Variants in EML1 observed in about 807,000 individuals in gnomAD.
EML1 encodes the protein echinoderm microtubule-associated protein-like 1.
Under a neutral mutation model 110.4 loss-of-function variants are expected in EML1, and 27 were observed. The observed-to-expected ratio is 0.24, with a 90% CI of 0.18 to 0.34. The LOEUF is 0.34. EML1 is among the 10% of genes least tolerant of loss of function. EML1 has a pLI of 1.00. For missense variants in EML1, 741 were observed against 1,030.9 expected (o/e 0.72, Z 3.85); for synonymous variants, 344 against 385.8 (o/e 0.89, Z 1.27).
chr14:99,868,839 C>T (rs147874063), intron 3 of EML1, among the ~76,000 whole-genome samples: 17 of 152,042 alleles, frequency 1.1e-4, no homozygotes, highest in Admixed American at 5.9e-4. Context: ...TTATTTCCTT[C>T]GCTCTGCCAA....
Position 99,941,358 on chromosome 14 carries a change from A to C in EML1, c.*1246A>C, listed in dbSNP as rs1413321123. The C allele has an allele frequency of 6.6e-6, 1 of 152,248 alleles. No individual in the cohort carries two copies. The highest frequency in any genetic ancestry group is 2.4e-5 in the African/African-American group (1 of 41,472). The allele number at this position is 152,248 out of a possible 1,614,324, so 9.4% of individuals were successfully genotyped here. A position where few individuals can be genotyped will look rare whatever the true frequency, so the allele number is the denominator to read the frequency against. ...AAATGAATGGAATTATCTGAGCTCTATGGCACTGGTTGTTTAGAGTGACTG... is the reference window on the plus strand; with the variant it reads ...AAATGAATGGAATTATCTGAGCTCTCTGGCACTGGTTGTTTAGAGTGACTG... On this transcript the variant is annotated 3_prime_UTR_variant, in exon 22 of 22. Coordinates refer to ENST00000262233, the MANE Select transcript of EML1 (RefSeq NM_004434.3).
At chr14:99,871,500 G>A (rs961175274) in intron 3 of EML1, among the ~76,000 whole-genome samples, 2 of 150,960 alleles carry the variant, frequency 1.3e-5, no homozygotes, top group African/African-American at 2.4e-5. Flanking sequence ...TCAACAGAGC[G>A]AGACCCTGTC....
At chr14:99,740,691 C>G (rs754406839) in intron 1 of EML1, among the ~76,000 whole-genome samples, 7 of 152,204 alleles carry the variant, frequency 4.6e-5, no homozygotes, top group South Asian at 2.1e-4. Flanking sequence ...TGCCTGCATT[C>G]TAGGCTTGGC....
intron 16 of EML1, among the ~76,000 whole-genome samples, chr14:99,920,029 C>T (rs2140081903): frequency 6.6e-6 from 1 of 152,320 alleles, no homozygotes; most frequent in South Asian, 2.1e-4. Context: ...CTCACCACCA[C>T]CCCTTGAGAA....
intron 6 of EML1, among the ~76,000 whole-genome samples, chr14:99,895,453 T>C (rs1174139559): frequency 6.6e-6 from 1 of 152,208 alleles, no homozygotes; most frequent in Admixed American, 6.5e-5. Flanking sequence ...TCTCTATATT[T>C]ATAAGGAAAC....
At chr14:99,767,183 G>T (rs1252964878) in intron 1 of EML1, among the ~76,000 whole-genome samples, 1 of 152,248 alleles carries the variant, frequency 6.6e-6, no homozygotes, top group Non-Finnish European at 1.5e-5. Context: ...GAAGAGCTGG[G>T]TTCCATGAAC....
At chr14:99,772,146 G>T (rs1334840208), upstream of EML1, among the ~76,000 whole-genome samples, 2 of 152,154 alleles carry the variant, frequency 1.3e-5, no homozygotes, top group African/African-American at 2.4e-5. Flanking sequence ...GTGTCATATT[G>T]CTTAATAGTG....
At chr14:99,759,613 G>A (rs1488242762) in intron 1 of EML1, among the ~76,000 whole-genome samples, 1 of 152,192 alleles carries the variant, frequency 6.6e-6, no homozygotes, top group Non-Finnish European at 1.5e-5. Context: ...CGGGTGCACC[G>A]TCCTACAGTC....
upstream of EML1, among the ~76,000 whole-genome samples, chr14:99,790,861 TTTTCC>T (rs1425572060): frequency 4.2e-4 from 49 of 117,024 alleles, no homozygotes; most frequent in South Asian, 8.0e-3. Context: ...TCTTTTTTTC[TTTTCC>T]TTTTTTTTTG....
intron 1 of EML1, among the ~76,000 whole-genome samples, chr14:99,823,952 A>G (rs1595343646): frequency 1.3e-5 from 2 of 151,556 alleles, no homozygotes; most frequent in African/African-American, 4.9e-5. Flanking sequence ...CCCATGCATC[A>G]TCTCTCTCTC....
chr14:99,776,642 A>C (rs2057486246), intron 1 of EML1, among the ~76,000 whole-genome samples: 1 of 152,210 alleles, frequency 6.6e-6, no homozygotes, highest in South Asian at 2.1e-4. Flanking sequence ...AAATAATGTA[A>C]TTAAGGGGCA....
chr14:99,920,773 C>G lies in EML1; in HGVS notation c.1821-16C>G. On this transcript the variant is annotated splice_polypyrimidine_tract_variant and intron_variant, in intron 16 of 21. Coordinates refer to ENST00000262233, the MANE Select transcript of EML1 (RefSeq NM_004434.3). Reference sequence around the variant, plus strand: ...TATTAAACAACTTACTGTGCTTTTTCTCATGTTGATAACAGGTGGTTTGTG... The same window carrying G: ...TATTAAACAACTTACTGTGCTTTTTGTCATGTTGATAACAGGTGGTTTGTG... 1.3e-6 allele frequency: 2 copies of G among 1,600,000 alleles called. No individual in the cohort carries two copies. The highest frequency in any genetic ancestry group is 1.7e-6 in the Non-Finnish European group (2 of 1,174,668).
chr14:99,874,986 A>G, intron 3 of EML1: 2 of 1,613,490 alleles, frequency 1.2e-6, no homozygotes, highest in Non-Finnish European at 1.7e-6. Flanking sequence ...ATCGACACCA[A>G]GGTGAGGGGA....
At position 99,830,388 on chromosome 14, in the gene EML1, A is replaced by G. The variant is rs565029899; in HGVS notation, c.68-20465A>G. Among the ~76,000 whole-genome samples, 56 of 152,244 alleles carry G rather than the reference A, an allele frequency of 3.7e-4. No individual in the cohort carries two copies. The East Asian group carries it at 4.1e-3, about 11-fold the overall frequency. ...AAATGGTTGAAATTTAAAAGAAAAA[A>G]GGGTGCTACTTGAAAGGTGGACCCT... On this transcript the variant is annotated intron_variant, in intron 1 of 21. Coordinates refer to ENST00000262233, the MANE Select transcript of EML1 (RefSeq NM_004434.3).
At chr14:99,752,059 C>T (rs1272689264) in intron 1 of EML1, among the ~76,000 whole-genome samples, 6 of 152,064 alleles carry the variant, frequency 3.9e-5, no homozygotes, top group African/African-American at 1.2e-4. Context: ...TCCATCACAG[C>T]GCCCCAGATG....
At chr14:99,853,399 G>A (rs1342884424) in intron 2 of EML1, among the ~76,000 whole-genome samples, 1 of 151,878 alleles carries the variant, frequency 6.6e-6, no homozygotes, top group African/African-American at 2.4e-5. Context: ...CCACGGGAGG[G>A]GTGTGCCCGT....
At chr14:99,841,532 CTT>C (rs1264396554) in intron 1 of EML1, among the ~76,000 whole-genome samples, 2 of 152,172 alleles carry the variant, frequency 1.3e-5, no homozygotes, top group East Asian at 1.9e-4. Flanking sequence ...TGCTCTCTCT[CTT>C]GTGCCTCTAA....
chr14:99,913,181 T>C (rs2059974418), intron 13 of EML1, among the ~76,000 whole-genome samples: 1 of 151,894 alleles, frequency 6.6e-6, no homozygotes, highest in Non-Finnish European at 1.5e-5. Context: ...TTATTATTAT[T>C]ATTAATTATT....
intron 1 of EML1, among the ~76,000 whole-genome samples, chr14:99,793,877 C>G (rs1282794828): frequency 6.6e-6 from 1 of 151,498 alleles, no homozygotes; most frequent in African/African-American, 2.4e-5. Context: ...GGGCAGCCTC[C>G]GCGTTCCGGG....
Sources: gnomAD v4.1 joint callset for allele counts (sites outside exome capture counted in the v4.1 genomes callset) on GRCh38, gnomAD v4.1.1 for gene constraint, MANE v1.5 for transcripts, NCBI Gene and HGNC (gene_info 2026-07-23, HGNC 2026-07-21) for gene names.